VPS13A: variants seen among roughly 807,000 people sequenced by gnomAD.
VPS13A encodes vacuolar protein sorting 13 homolog A.
VPS13A carries 264 observed loss-of-function variants against 390.9 expected under a neutral mutation model. The observed-to-expected ratio is 0.68, with a 90% CI of 0.61 to 0.75. The LOEUF (loss-of-function observed/expected upper bound fraction) is 0.75, where lower values mean the gene tolerates loss of function less well. Among genes scored for constraint, VPS13A ranks in the 30% least tolerant of loss-of-function variants. VPS13A has a pLI of 0.00. For synonymous variants in VPS13A, 1,231 were observed against 1,227.1 expected (o/e 1.00, Z -0.07); for missense variants, 3,409 against 3,733.9 (o/e 0.91, Z 2.27).
chr9:77,353,516 A>G lies in VPS13A; in HGVS notation c.7527A>G (p.Lys2509=). 5 of 1,613,558 alleles carry G rather than the reference A, an allele frequency of 3.1e-6. No homozygotes were observed. The highest frequency in any genetic ancestry group is 4.2e-6 in the Non-Finnish European group (5 of 1,179,638). The change falls in exon 54 of 72, where the codon AAA becomes AAG. Residue 2509 remains lysine, a synonymous_variant. Transcript: ENST00000360280. The stretch of plus-strand genomic sequence containing the variant: ...TCACTGAAGATCCAAGGGTATTTAA[A>G]GTAACATATGAAAGTGAGAAAGCAG... ...ILFTEDPRVF[K]VTYESEKAEL... is the part of the protein sequence containing the mutation.
At chr9:77,374,631 A>G (rs758010415) in intron 67 of VPS13A, among the ~76,000 whole-genome samples, 4 of 152,256 alleles carry the variant, frequency 2.6e-5, no homozygotes, top group African/African-American at 7.2e-5. Context: ...CTGACACTGC[A>G]GAAAGCAGAA....
chr9:77,331,265 C>A (rs1830261979), intron 45 of VPS13A, among the ~76,000 whole-genome samples: 1 of 152,094 alleles, frequency 6.6e-6, no homozygotes, highest in African/African-American at 2.4e-5. Context: ...GAAGAAAGTA[C>A]ATTTTCATTT....
chr9:77,210,611 T>C lies in VPS13A; in HGVS notation c.496-5T>C, dbSNP rs1399517312. The C allele has an allele frequency of 6.2e-7, 1 of 1,613,504 alleles. No homozygotes were observed. ...TGAATAAATTTTACTTTCTTTCCTC[T>C]TTAGATCACAAATCGGGACAAACCG... On this transcript the variant is annotated splice_region_variant and splice_polypyrimidine_tract_variant and intron_variant, in intron 6 of 71. Transcript: ENST00000360280.
At chr9:77,252,574 C>T (rs1825205944) in intron 22 of VPS13A, among the ~76,000 whole-genome samples, 1 of 152,142 alleles carries the variant, frequency 6.6e-6, no homozygotes, top group Admixed American at 6.5e-5. Context: ...GCAACCATCA[C>T]CACCATTCAT....
In VPS13A at chr9:77,321,752, T is replaced by C; in HGVS notation, c.5830+6T>C. On this transcript the variant is annotated splice_donor_region_variant and intron_variant, in intron 44 of 71. Transcript: ENST00000360280. The stretch of plus-strand genomic sequence containing the variant: ...ACTCTTCTTCATTCTTCTTAGTAAG[T>C]AGTTGAAAAATTACCTTCCTGGGGC... 1 of 1,612,992 alleles carries C rather than the reference T, an allele frequency of 6.2e-7. No homozygotes were observed. The highest frequency in any genetic ancestry group is 8.5e-7 in the Non-Finnish European group (1 of 1,179,302).
chr9:77,314,486 C>T lies in VPS13A; in HGVS notation c.4243-9C>T, dbSNP rs762181071. 1 of 1,610,744 alleles carries T rather than the reference C, an allele frequency of 6.2e-7. No individual in the cohort carries two copies. The highest frequency in any genetic ancestry group is 1.1e-5 in the South Asian group (1 of 90,924). On this transcript the variant is annotated splice_polypyrimidine_tract_variant and intron_variant, in intron 36 of 71. Coordinates refer to ENST00000360280, the MANE Select transcript of VPS13A (RefSeq NM_033305.3). Reference sequence around the variant, plus strand: ...CTTTGTAATTTTGTGTTGGTTTCTCCTTTCATAGGCTTCCTTTACAGATGT... The same window carrying T: ...CTTTGTAATTTTGTGTTGGTTTCTCTTTTCATAGGCTTCCTTTACAGATGT...
At chr9:77,414,745 A>ATAATAATAC (rs947968449) in intron 71 of VPS13A, among the ~76,000 whole-genome samples, 4 of 143,902 alleles carry the variant, frequency 2.8e-5, no homozygotes, top group African/African-American at 1.1e-4. Flanking sequence ...ATAATTAATA[A>ATAATAATAC]TAATAATAAT....
chr9:77,252,452 A>T, intron 22 of VPS13A, 100 bp downstream of exon 22: 1 of 967,968 alleles, frequency 1.0e-6, no homozygotes, highest in South Asian at 1.3e-5. Context: ...GTGTGGTGAA[A>T]TGTATATAAC....
rs756840749 is a variant in VPS13A, at chr9:77,371,138, G to A, written c.9066G>A (p.Gln3022=). 1.2e-5 allele frequency: 20 copies of A among 1,614,000 alleles called. No individual in the cohort carries two copies. The highest frequency in any genetic ancestry group is 1.7e-5 in the Non-Finnish European group (20 of 1,179,928). The change falls in exon 67 of 72, where the codon CAG becomes CAA. Residue 3022 remains glutamine, a synonymous_variant. Transcript: ENST00000360280. ...GIIDMASSTF[Q]GIKRATETSE... is the part of the protein sequence containing the mutation. ...TAGACATGGCTAGCAGTACATTTCAGGGAATAAAAAGGTAAATCCTCTTTG... is the reference window on the plus strand; with the variant it reads ...TAGACATGGCTAGCAGTACATTTCAAGGAATAAAAAGGTAAATCCTCTTTG...
At chr9:77,399,938 C>T (rs1834297202) in intron 68 of VPS13A, among the ~76,000 whole-genome samples, 1 of 152,076 alleles carries the variant, frequency 6.6e-6, no homozygotes, top group Non-Finnish European at 1.5e-5. Context: ...TTTACTATAT[C>T]TTATACATCT....
chr9:77,269,997 C>G (rs1214103966), intron 23 of VPS13A, among the ~76,000 whole-genome samples: 1 of 152,210 alleles, frequency 6.6e-6, no homozygotes, highest in East Asian at 1.9e-4. Context: ...AGGAGGTCAT[C>G]TGCAAGTTAA....
chr9:77,204,195 C>T (rs1173900745), intron 3 of VPS13A, among the ~76,000 whole-genome samples: 2 of 152,140 alleles, frequency 1.3e-5, no homozygotes, highest in South Asian at 4.1e-4. Flanking sequence ...GTTTTAGCAA[C>T]ATAGTATATT....
chr9:77,236,787 G>A (rs1465409733), intron 17 of VPS13A, among the ~76,000 whole-genome samples: 1 of 152,202 alleles, frequency 6.6e-6, no homozygotes, highest in Non-Finnish European at 1.5e-5. Flanking sequence ...TATCTTCTTA[G>A]CTGCGCCCAT....
chr9:77,376,072 TA>T (rs1833053280), intron 67 of VPS13A, among the ~76,000 whole-genome samples: 1 of 152,000 alleles, frequency 6.6e-6, no homozygotes, highest in African/African-American at 2.4e-5. Context: ...CATAAGATTA[TA>T]TTTGAGGAGA....
At chr9:77,381,740 C>T (rs1272600913) in intron 67 of VPS13A, among the ~76,000 whole-genome samples, 1 of 152,018 alleles carries the variant, frequency 6.6e-6, no homozygotes, top group African/African-American at 2.4e-5. Context: ...GAAAAAGCAA[C>T]AATTGCTAAT....
At chr9:77,277,348 C>A (rs1826743481) in intron 26 of VPS13A, among the ~76,000 whole-genome samples, 2 of 152,102 alleles carry the variant, frequency 1.3e-5, no homozygotes, top group African/African-American at 4.8e-5. Context: ...TCCTTGTACC[C>A]ACACCTGCAT....
chr9:77,197,569 A>G (rs1044800131), intron 1 of VPS13A, among the ~76,000 whole-genome samples: 1 of 152,088 alleles, frequency 6.6e-6, no homozygotes, highest in African/African-American at 2.4e-5. Context: ...TAATATTAGT[A>G]TAGGTTGAAT....
chr9:77,359,331 A>G lies in VPS13A; in HGVS notation c.8036-2A>G. On this transcript the variant is annotated splice_acceptor_variant, in intron 57 of 71. Transcript: ENST00000360280. LOFTEE classifies it high-confidence loss of function. ...GAGTAATTATATTTATAACCTTTAC[A>G]GCACCAAAGCCCTTTACAGATGTCA... 1.2e-6 allele frequency: 2 copies of G among 1,613,274 alleles called. No individual in the cohort carries two copies. Among genetic ancestry groups the G allele is most frequent in the Non-Finnish European group, 1.7e-6 (2 of 1,179,406 alleles).
intron 23 of VPS13A, among the ~76,000 whole-genome samples, chr9:77,270,848 C>G (rs1826313619): frequency 6.6e-6 from 1 of 152,144 alleles, no homozygotes; most frequent in African/African-American, 2.4e-5. Context: ...CAACCCTTAT[C>G]TTATATGCGG....
Sources: allele counts gnomAD v4.1 joint callset (sites outside exome capture counted in the v4.1 genomes callset), GRCh38; gene constraint gnomAD v4.1.1; transcripts MANE v1.5; gene names NCBI Gene and HGNC (gene_info 2026-07-23, HGNC 2026-07-21).